Variants in PSD3 observed in about 807,000 individuals in gnomAD.
PSD3 encodes the protein PH and SEC7 domain-containing protein 3.
Under a neutral mutation model 105.5 loss-of-function variants are expected in PSD3, and 49 were observed. That is an observed-to-expected ratio of 0.46 (90% CI 0.37 to 0.59). The LOEUF (loss-of-function observed/expected upper bound fraction) is 0.59. PSD3 is among the 20% of genes least tolerant of loss of function. The pLI is 0.00. For missense variants in PSD3, 1,561 were observed against 1,263.8 expected (o/e 1.24, Z -3.57); for synonymous variants, 557 against 457.8 (o/e 1.22, Z -2.77).
At chr8:18,582,187 T>C (rs759093141) in intron 12 of PSD3, among the ~76,000 whole-genome samples, 6 of 152,278 alleles carry the variant, frequency 3.9e-5, no homozygotes, top group Non-Finnish European at 7.4e-5. Context: ...AACTTCTGGG[T>C]GAGCTTCTCG....
Position 18,811,040 on chromosome 8 carries a change from A to T in PSD3, c.1635-6142T>A, listed in dbSNP as rs565064630. Among the ~76,000 whole-genome samples, 4 of 152,358 alleles carry T rather than the reference A, an allele frequency of 2.6e-5. No individual in the cohort carries two copies. In the South Asian group the frequency reaches 6.2e-4, roughly 24 times the overall value. Reference sequence around the variant, plus strand: ...ATTTCCTAGGCATTGTAGAGAGCACATCATCTAATTCCCAAAGAAATGTAA... The same window carrying T: ...ATTTCCTAGGCATTGTAGAGAGCACTTCATCTAATTCCCAAAGAAATGTAA... On this transcript the variant is annotated intron_variant, in intron 4 of 15. Transcript: ENST00000327040.
At chr8:18,917,835 T>C (rs1216583519) in intron 2 of PSD3, among the ~76,000 whole-genome samples, 2 of 152,142 alleles carry the variant, frequency 1.3e-5, no homozygotes, top group East Asian at 1.9e-4. Flanking sequence ...GGAACCAACA[T>C]ACAAGCTGTG....
At position 18,919,597 on chromosome 8, in the gene PSD3, G is replaced by A. The variant is rs191862994; in HGVS notation, c.130+16437C>T. On this transcript the variant is annotated intron_variant, in intron 2 of 15. Transcript: ENST00000327040. ...AGGTGGGGCGGGGCAGGACTGGGGC[G>A]GCCAGGATCCCCAGAAACTGTCACC... Among the ~76,000 whole-genome samples the A allele has an allele frequency of 2.2e-4, 34 of 151,980 alleles. No homozygotes were observed. The East Asian group carries it at 4.1e-3, about 18-fold the overall frequency.
At chr8:19,005,799 T>C (rs973042578) in intron 1 of PSD3, among the ~76,000 whole-genome samples, 1 of 151,856 alleles carries the variant, frequency 6.6e-6, no homozygotes, top group Admixed American at 6.6e-5. Context: ...TGGGCTGTTT[T>C]TGAAGTGATG....
chr8:18,594,139 T>TATATATTATATAATATATATTATATAA (rs1563358143), intron 12 of PSD3, among the ~76,000 whole-genome samples: 4 of 30,824 alleles, frequency 1.3e-4, no homozygotes, highest in Admixed American at 5.3e-4. Flanking sequence ...ATATTATATA[T>TATATATTATATAATATATATTATATAA]ATATTATATA....
At chr8:18,917,533 C>T (rs1233913436) in intron 2 of PSD3, among the ~76,000 whole-genome samples, 1 of 152,184 alleles carries the variant, frequency 6.6e-6, no homozygotes, top group Non-Finnish European at 1.5e-5. Context: ...AGCAAGTCCT[C>T]AAATAACACT....
intron 4 of PSD3, chr8:18,849,315 G>A (rs990247407): frequency 4.6e-5 from 7 of 151,976 alleles, no homozygotes; most frequent in Admixed American, 1.3e-4. Context: ...ATGAAACTTC[G>A]GCTCACTTCT....
At chr8:18,861,679 C>A (rs1816463205) in intron 4 of PSD3, among the ~76,000 whole-genome samples, 1 of 152,168 alleles carries the variant, frequency 6.6e-6, no homozygotes, top group African/African-American at 2.4e-5. Flanking sequence ...ATCCTTGCAT[C>A]TTTCTTTTTA....
intron 8 of PSD3, among the ~76,000 whole-genome samples, chr8:18,781,328 T>A (rs1191498728): frequency 2.6e-5 from 4 of 152,244 alleles, no homozygotes; most frequent in Non-Finnish European, 5.9e-5. Context: ...ATATCCTTTT[T>A]CTATGGCATA....
chr8:18,800,014 T>G (rs1462184143), intron 7 of PSD3, among the ~76,000 whole-genome samples: 1 of 152,216 alleles, frequency 6.6e-6, no homozygotes, highest in Non-Finnish European at 1.5e-5. Flanking sequence ...CTGTTATCAG[T>G]GTCTCTAAAT....
chr8:19,002,526 T>A lies in PSD3; in HGVS notation c.21+11037A>T, dbSNP rs527617267. ...TGGTCATTTGGCATGACTGCATGAA[T>A]TCTTTATTCTTTTATGTGCAGTTTT... On this transcript the variant is annotated intron_variant, in intron 1 of 15. Transcript: ENST00000327040. Among the ~76,000 whole-genome samples, 275 of 152,170 alleles carry A rather than the reference T, an allele frequency of 1.8e-3. 3 individuals carry two copies. The highest frequency in any genetic ancestry group is 3.0e-3 in the Non-Finnish European group (206 of 67,976).
At chr8:18,954,616 C>T (rs897345657) in intron 1 of PSD3, among the ~76,000 whole-genome samples, 3 of 152,144 alleles carry the variant, frequency 2.0e-5, no homozygotes, top group African/African-American at 7.2e-5. Flanking sequence ...CTATCATATT[C>T]CAATTTCAGT....
intron 9 of PSD3, among the ~76,000 whole-genome samples, chr8:18,696,046 G>C (rs1479955109): frequency 6.6e-6 from 1 of 152,210 alleles, no homozygotes; most frequent in Admixed American, 6.5e-5. Context: ...CTGTCGCTGA[G>C]AATTGCCCTG....
chr8:18,610,212 G>C (rs1274806203), intron 11 of PSD3, among the ~76,000 whole-genome samples: 1 of 152,124 alleles, frequency 6.6e-6, no homozygotes, highest in Non-Finnish European at 1.5e-5. Flanking sequence ...TATGGCCTTA[G>C]GACTCTATAC....
At chr8:18,585,081 G>A (rs1352651474) in intron 12 of PSD3, among the ~76,000 whole-genome samples, 5 of 152,104 alleles carry the variant, frequency 3.3e-5, no homozygotes, top group Middle Eastern at 3.2e-3. Context: ...TCCAGAACAC[G>A]AAGCCCTCTG....
intron 4 of PSD3, among the ~76,000 whole-genome samples, chr8:18,821,451 GA>G (rs564016054): frequency 2.6e-5 from 4 of 151,660 alleles, no homozygotes; most frequent in African/African-American, 4.8e-5. Context: ...TATTCCTCAT[GA>G]AAAAAAATTA....
chr8:18,623,478 GA>G (rs564571264), intron 11 of PSD3, among the ~76,000 whole-genome samples: 5,259 of 134,264 alleles, frequency 0.039, 119 homozygotes, highest in East Asian at 0.089. Context: ...AAAGAAAAAG[GA>G]AAAAAAAAAA....
intron 9 of PSD3, among the ~76,000 whole-genome samples, chr8:18,749,847 A>C (rs1387481263): frequency 1.3e-5 from 2 of 152,170 alleles, no homozygotes; most frequent in Non-Finnish European, 2.9e-5. Flanking sequence ...GCAACAACCA[A>C]CAAGAAAAGG....
chr8:18,925,751 G>A (rs963603489), intron 2 of PSD3, among the ~76,000 whole-genome samples: 1 of 152,096 alleles, frequency 6.6e-6, no homozygotes, highest in Non-Finnish European at 1.5e-5. Context: ...AAAAACTACT[G>A]TTAACGAGGA....
Sources: allele counts gnomAD v4.1 joint callset (sites outside exome capture counted in the v4.1 genomes callset), GRCh38; gene constraint gnomAD v4.1.1; transcripts MANE v1.5; gene names NCBI Gene and HGNC (gene_info 2026-07-23, HGNC 2026-07-21).